Variants in HERC6 observed in about 807,000 individuals in gnomAD.
HERC6 encodes the protein HECT and RLD domain containing E3 ubiquitin protein ligase family member 6.
A neutral mutation model predicts 114.5 loss-of-function variants in HERC6; 101 were observed. The observed-to-expected ratio is 0.88, with a 90% CI of 0.75 to 1.04. The LOEUF is 1.04. Among genes scored for constraint, HERC6 ranks in the 50% least tolerant of loss-of-function variants. HERC6 has a pLI of 0.00. For missense variants in HERC6, 1,133 were observed against 1,230.9 expected, an observed-to-expected ratio of 0.92 and a Z score of 1.19; for synonymous variants, 408 against 436.2, an observed-to-expected ratio of 0.94 and a Z score of 0.81.
At chr4:88,429,908 C>A (rs1338852264) in intron 16 of HERC6, among the ~76,000 whole-genome samples, 3 of 152,132 alleles carry the variant, frequency 2.0e-5, no homozygotes, top group Non-Finnish European at 4.4e-5. Flanking sequence ...CAAGCCAGAT[C>A]AAATAAAAAT....
intron 17 of HERC6, among the ~76,000 whole-genome samples, chr4:88,434,462 A>G (rs1023401102): frequency 6.6e-6 from 1 of 152,232 alleles, no homozygotes; most frequent in African/African-American, 2.4e-5. Context: ...TTGAAAGTAT[A>G]ATGGAGAGGC....
intron 18 of HERC6, among the ~76,000 whole-genome samples, chr4:88,436,278 G>C (rs555393391): frequency 6.6e-6 from 1 of 152,246 alleles, no homozygotes; most frequent in Admixed American, 6.5e-5. Flanking sequence ...ACCCTAACTA[G>C]TAATTGAGGG....
intron 12 of HERC6, among the ~76,000 whole-genome samples, chr4:88,414,684 G>T (rs1290450826): frequency 6.6e-6 from 1 of 152,134 alleles, no homozygotes; most frequent in African/African-American, 2.4e-5. Context: ...CATTGCCATG[G>T]CATTTGTAAA....
At chr4:88,417,226 ATACT>A in intron 12 of HERC6, among the ~76,000 whole-genome samples, 195 bp from the exon 13 acceptor site, 1 of 152,314 alleles carries the variant, frequency 6.6e-6, no homozygotes, top group Non-Finnish European at 1.5e-5. Flanking sequence ...AATTCTAATG[ATACT>A]TAATAAGGGA....
At chr4:88,437,060 C>CT (rs545282245) in intron 19 of HERC6, 89 bp downstream of exon 19, 70,729 of 722,506 alleles carry the variant, frequency 0.098, no homozygotes, top group South Asian at 0.13. Context: ...TTTGGGATCC[C>CT]TTTTTTTTTT....
chr4:88,384,573 G>T (rs904934845), intron 2 of HERC6, among the ~76,000 whole-genome samples: 2 of 152,124 alleles, frequency 1.3e-5, no homozygotes, highest in African/African-American at 4.8e-5. Context: ...ATCACCTCTT[G>T]TTACCTCTTC....
chr4:88,419,911 G>C (rs555168986), intron 13 of HERC6, among the ~76,000 whole-genome samples: 1 of 151,904 alleles, frequency 6.6e-6, no homozygotes, highest in South Asian at 2.1e-4. Flanking sequence ...AACTTCAGAC[G>C]TACATCCTAG....
chr4:88,424,313 G>A (rs1325068751), intron 14 of HERC6, among the ~76,000 whole-genome samples: 1 of 151,990 alleles, frequency 6.6e-6, no homozygotes, highest in Non-Finnish European at 1.5e-5. Context: ...ATGGTGAAAC[G>A]CTGTCTCTAT....
Position 88,423,843 on chromosome 4 carries a change from G to T in HERC6, c.1714-17G>T, listed in dbSNP as rs752377048. The T allele has an allele frequency of 1.6e-5, 19 of 1,185,936 alleles. No homozygotes were observed. The highest frequency in any genetic ancestry group is 2.3e-5 in the Non-Finnish European group (19 of 840,514). The allele number at this position is 1,185,936 out of a possible 1,614,324, so 73.5% of individuals were successfully genotyped here. A position where few individuals can be genotyped will look rare whatever the true frequency, so the allele number is the denominator to read the frequency against. The stretch of plus-strand genomic sequence containing the variant: ...TATTGATAGAAAATGAAATTCACAG[G>T]TCATATTCTCTTTAAGGTAAACAAA... On this transcript the variant is annotated splice_polypyrimidine_tract_variant and intron_variant, in intron 13 of 22. Coordinates refer to ENST00000264346, the MANE Select transcript of HERC6 (RefSeq NM_017912.4).
intron 3 of HERC6, among the ~76,000 whole-genome samples, chr4:88,389,560 G>T (rs1734780538): frequency 6.6e-6 from 1 of 152,098 alleles, no homozygotes; most frequent in Admixed American, 6.5e-5. Context: ...AAAGAGAAGA[G>T]TTAAGGATAT....
intron 12 of HERC6, among the ~76,000 whole-genome samples, chr4:88,414,076 C>G (rs1736285096): frequency 6.6e-6 from 1 of 152,060 alleles, no homozygotes; most frequent in Admixed American, 6.6e-5. Flanking sequence ...CAGAGAAAAG[C>G]CTTTTCCAGC....
At chr4:88,417,627 A>G (rs1156260765) in intron 13 of HERC6, 48 bp downstream of exon 13, 14 of 1,518,402 alleles carry the variant, frequency 9.2e-6, no homozygotes, top group Non-Finnish European at 1.2e-5. Flanking sequence ...TGTAATCAAA[A>G]TCCCTTAAGT....
intron 9 of HERC6, 84 bp from the exon 10 acceptor site, chr4:88,405,470 A>G (rs1316728613): frequency 1.6e-6 from 1 of 625,516 alleles, no homozygotes; most frequent in African/African-American, 1.9e-5. Context: ...CCACGTCATC[A>G]TTTACTTATT....
intron 12 of HERC6, among the ~76,000 whole-genome samples, chr4:88,415,345 C>T (rs556104743): frequency 2.6e-5 from 4 of 152,272 alleles, no homozygotes; most frequent in African/African-American, 7.2e-5. Flanking sequence ...TAAATTCACA[C>T]ATGCAGGAAA....
intron 8 of HERC6, among the ~76,000 whole-genome samples, chr4:88,400,020 G>A (rs1735451197): frequency 1.3e-5 from 2 of 152,112 alleles, no homozygotes; most frequent in Non-Finnish European, 2.9e-5. Context: ...AGGCCAGTGA[G>A]GCAGAACCAT....
intron 1 of HERC6, among the ~76,000 whole-genome samples, chr4:88,381,416 T>C (rs753001211): frequency 3.9e-5 from 6 of 152,252 alleles, no homozygotes; most frequent in Admixed American, 2.0e-4. Flanking sequence ...GGGTTTGGAC[T>C]TTAAAGGATG....
At chr4:88,408,071 A>G (rs1735895707) in intron 10 of HERC6, among the ~76,000 whole-genome samples, 1 of 152,266 alleles carries the variant, frequency 6.6e-6, no homozygotes, top group African/African-American at 2.4e-5. Context: ...GGGTCTTTCA[A>G]GAAGTTCCCA....
chr4:88,399,666 G>A (rs1200970726), intron 8 of HERC6: 1 of 152,082 alleles, frequency 6.6e-6, no homozygotes, highest in Non-Finnish European at 1.5e-5. Context: ...AGCTACTTGG[G>A]AGGCTGAGGC....
In HERC6 at chr4:88,390,800, C is replaced by T; in HGVS notation, c.585C>T (p.Ala195=). The T allele has an allele frequency of 6.2e-7, 1 of 1,614,176 alleles. No homozygotes were observed. The highest frequency in any genetic ancestry group is 8.5e-7 in the Non-Finnish European group (1 of 1,180,016). The change falls in exon 4 of 23, where the codon GCC becomes GCT. Residue 195 remains alanine, a synonymous_variant. Transcript: ENST00000264346. ...CTGCCGGAGGGGCTCACAGCTTTGCCCTGTCTCTCTGTGGGACTTCGTTTG... is the reference window on the plus strand; with the variant it reads ...CTGCCGGAGGGGCTCACAGCTTTGCTCTGTCTCTCTGTGGGACTTCGTTTG... The part of the protein sequence containing the change: ...QVAAGGAHSF[A]LSLCGTSFGW...
Sources: allele counts gnomAD v4.1 joint callset (sites outside exome capture counted in the v4.1 genomes callset), GRCh38; gene constraint gnomAD v4.1.1; transcripts MANE v1.5; gene names NCBI Gene and HGNC (gene_info 2026-07-23, HGNC 2026-07-21).